Variants in ADAMTS12 observed in about 807,000 individuals in gnomAD.
ADAMTS12 encodes A disintegrin and metalloproteinase with thrombospondin motifs 12.
Under a neutral mutation model 167.8 loss-of-function variants are expected in ADAMTS12, and 118 were observed. The ratio of observed to expected loss-of-function variants is 0.70; its 90% CI spans 0.61 to 0.82. The LOEUF is 0.82. Ranked by LOEUF, ADAMTS12 falls within the 40% of genes least tolerant of loss-of-function variation. The pLI, the probability that ADAMTS12 is intolerant of heterozygous loss-of-function variation, is 0.00. For synonymous variants in ADAMTS12, 704 were observed against 716.9 expected, an observed-to-expected ratio of 0.98 and a Z score of 0.29; for missense variants, 1,916 against 1,998.8, an observed-to-expected ratio of 0.96 and a Z score of 0.79.
intron 16 of ADAMTS12, among the ~76,000 whole-genome samples, chr5:33,605,335 C>T (rs777111586): frequency 1.9e-4 from 29 of 152,210 alleles, no homozygotes; most frequent in Non-Finnish European, 4.1e-4. Context: ...GATATCTTCT[C>T]CTTACCTCTT....
chr5:33,538,223 A>G (rs154219), intron 22 of ADAMTS12, among the ~76,000 whole-genome samples: 82,241 of 152,112 alleles, frequency 0.54, 25,229 homozygotes, highest in African/African-American at 0.82. Context: ...GAAGAGGCAC[A>G]TCTTACATGG....
At chr5:33,598,512 CA>C (rs1738027025) in intron 16 of ADAMTS12, among the ~76,000 whole-genome samples, 1 of 152,208 alleles carries the variant, frequency 6.6e-6, no homozygotes, top group Non-Finnish European at 1.5e-5. Context: ...CAGTGATATT[CA>C]TGCTGTTGGA....
At chr5:33,536,645 C>A (rs982659279) in intron 22 of ADAMTS12, among the ~76,000 whole-genome samples, 19 of 152,158 alleles carry the variant, frequency 1.2e-4, no homozygotes, top group Non-Finnish European at 2.6e-4. Context: ...TAGGTGTTAA[C>A]CACTCTCTCA....
chr5:33,853,691 GACAA>G (rs979638690), intron 2 of ADAMTS12, among the ~76,000 whole-genome samples: 1 of 152,138 alleles, frequency 6.6e-6, no homozygotes, highest in African/African-American at 2.4e-5. Flanking sequence ...TTAGGCTTTC[GACAA>G]ACAATTTGCC....
intron 2 of ADAMTS12, among the ~76,000 whole-genome samples, chr5:33,764,725 G>C (rs1579916608): frequency 6.6e-6 from 1 of 152,094 alleles, no homozygotes; most frequent in East Asian, 1.9e-4. Flanking sequence ...TGGGGTCTGG[G>C]AAATGAGCTT....
rs549251718 is a variant in ADAMTS12 at position 33,727,890 on chromosome 5, G to A, written c.634+23514C>T. Among the ~76,000 whole-genome samples, 7 of 152,236 alleles carry A rather than the reference G, an allele frequency of 4.6e-5. No homozygotes were observed. In the East Asian group the frequency reaches 1.2e-3, roughly 25 times the overall value. ...ATTATTTATCTGTTTCTTTACCAAT[G>A]TTCCCATGAGGCAGTAGGCTTACTG... On this transcript the variant is annotated intron_variant, in intron 3 of 23. Coordinates refer to ENST00000504830, the MANE Select transcript of ADAMTS12 (RefSeq NM_030955.4).
At chr5:33,681,344 T>G (rs1742103264) in intron 5 of ADAMTS12, among the ~76,000 whole-genome samples, 1 of 152,198 alleles carries the variant, frequency 6.6e-6, no homozygotes, top group Non-Finnish European at 1.5e-5. Flanking sequence ...TGACTGCAGG[T>G]CTCTTGCTGA....
intron 2 of ADAMTS12, among the ~76,000 whole-genome samples, chr5:33,831,479 C>T (rs1198771573): frequency 1.3e-5 from 2 of 152,170 alleles, no homozygotes; most frequent in Admixed American, 1.3e-4. Context: ...CACAAATTAG[C>T]CCAAATAGTA....
chr5:33,599,941 C>T (rs1397904511), intron 16 of ADAMTS12, among the ~76,000 whole-genome samples: 2 of 152,174 alleles, frequency 1.3e-5, no homozygotes, highest in Non-Finnish European at 2.9e-5. Flanking sequence ...TGACCTTGAT[C>T]TTTCCCTGGA....
intron 14 of ADAMTS12, among the ~76,000 whole-genome samples, chr5:33,619,838 G>C (rs1296665044): frequency 6.6e-6 from 1 of 152,156 alleles, no homozygotes; most frequent in Non-Finnish European, 1.5e-5. Flanking sequence ...GGGACTACCA[G>C]CGCGTGCCAC....
At chr5:33,634,632 A>G (rs1740106612) in intron 12 of ADAMTS12, among the ~76,000 whole-genome samples, 1 of 152,154 alleles carries the variant, frequency 6.6e-6, no homozygotes, top group East Asian at 1.9e-4. Context: ...CATTACCAAG[A>G]GTTTGAAACC....
At chr5:33,551,789 C>T (rs1561120323) in intron 20 of ADAMTS12, among the ~76,000 whole-genome samples, 1 of 152,262 alleles carries the variant, frequency 6.6e-6, no homozygotes, top group East Asian at 1.9e-4. Flanking sequence ...TTATTCTATT[C>T]CATTTTCAAA....
intron 2 of ADAMTS12, among the ~76,000 whole-genome samples, chr5:33,852,868 A>G (rs1219393241): frequency 6.6e-6 from 1 of 152,238 alleles, no homozygotes; most frequent in Non-Finnish European, 1.5e-5. Context: ...ATAAAAAGGC[A>G]AACAGACAGG....
intron 3 of ADAMTS12, among the ~76,000 whole-genome samples, chr5:33,695,495 T>C (rs1225384695): frequency 2.0e-5 from 3 of 152,152 alleles, no homozygotes; most frequent in African/African-American, 7.2e-5. Flanking sequence ...TACAATACAA[T>C]GAAATATTGT....
At chr5:33,569,297 G>A (rs1273063710) in intron 19 of ADAMTS12, among the ~76,000 whole-genome samples, 1 of 152,252 alleles carries the variant, frequency 6.6e-6, no homozygotes, top group Non-Finnish European at 1.5e-5. Context: ...GCCTCCTCAA[G>A]TGGGTCCCTG....
chr5:33,881,817 G>A (rs895354598), intron 1 of ADAMTS12, among the ~76,000 whole-genome samples: 4 of 148,384 alleles, frequency 2.7e-5, no homozygotes, highest in East Asian at 2.0e-4. Context: ...CAGGTGATCC[G>A]CCTGCCCTGC....
intron 14 of ADAMTS12, among the ~76,000 whole-genome samples, chr5:33,621,062 C>T (rs1179268064): frequency 6.6e-6 from 1 of 152,074 alleles, no homozygotes; most frequent in African/African-American, 2.4e-5. Context: ...TCTCTGGGTC[C>T]AAGGAGACCA....
intron 2 of ADAMTS12, among the ~76,000 whole-genome samples, chr5:33,815,664 G>A (rs1296455155): frequency 6.6e-6 from 1 of 152,198 alleles, no homozygotes; most frequent in East Asian, 1.9e-4. Flanking sequence ...TAAAGATGTT[G>A]CACAATGAGC....
intron 18 of ADAMTS12, among the ~76,000 whole-genome samples, chr5:33,578,587 A>G (rs1158245351): frequency 6.6e-6 from 1 of 152,154 alleles, no homozygotes; most frequent in East Asian, 1.9e-4. Flanking sequence ...TGACTCTTTT[A>G]CCTGGAAAAA....
Sources: allele counts gnomAD v4.1 joint callset (sites outside exome capture counted in the v4.1 genomes callset), GRCh38; gene constraint gnomAD v4.1.1; transcripts MANE v1.5; gene names NCBI Gene and HGNC (gene_info 2026-07-23, HGNC 2026-07-21).